Variants in STAM2 observed in about 807,000 individuals in gnomAD.
STAM2 encodes signal transducing adapter molecule 2.
In STAM2, 51 loss-of-function variants were observed where a neutral mutation model predicts 65.6. That is an observed-to-expected ratio of 0.78 (90% CI 0.62 to 0.98). The LOEUF (loss-of-function observed/expected upper bound fraction) is 0.98, where lower values mean the gene tolerates loss of function less well. STAM2 is among the 50% of genes least tolerant of loss of function. The probability of loss-of-function intolerance (pLI) is 0.00; values close to 1 mark genes in which losing one functional copy is unlikely to be tolerated. For missense variants in STAM2, 584 were observed against 617.8 expected (o/e 0.95, Z 0.58); for synonymous variants, 198 against 208.4 (o/e 0.95, Z 0.43).
chr2:152,142,082 C>T (rs10166701), intron 7 of STAM2, among the ~76,000 whole-genome samples: 7,700 of 152,232 alleles, frequency 0.051, 565 homozygotes, highest in African/African-American at 0.16. Context: ...CATTTGTCTA[C>T]CAGCGATTAC....
intron 1 of STAM2, among the ~76,000 whole-genome samples, chr2:152,150,982 C>T (rs1429189284): frequency 6.6e-6 from 1 of 151,876 alleles, no homozygotes; most frequent in Non-Finnish European, 1.5e-5. Flanking sequence ...TTACAGGCCA[C>T]TGCACCCAGC....
intron 13 of STAM2, among the ~76,000 whole-genome samples, chr2:152,123,415 C>A (rs1284751672): frequency 1.3e-5 from 2 of 152,110 alleles, no homozygotes; most frequent in East Asian, 3.9e-4. Flanking sequence ...TTCCACAGTT[C>A]AAACGCCCTT....
chr2:152,143,777 A>G (rs774538074), intron 7 of STAM2, 50 bp downstream of exon 7: 23 of 1,425,210 alleles, frequency 1.6e-5, no homozygotes, highest in Admixed American at 2.1e-5. Context: ...TCTGGATTCT[A>G]AATTAAGGGC....
At chr2:152,174,379 C>A (rs1403858060) in intron 1 of STAM2, among the ~76,000 whole-genome samples, 1 of 151,998 alleles carries the variant, frequency 6.6e-6, no homozygotes, top group African/African-American at 2.4e-5. Flanking sequence ...AAACAGTGAG[C>A]CTTAAGAGTG....
chr2:152,142,847 TC>T (rs1253417019), intron 7 of STAM2, among the ~76,000 whole-genome samples: 1 of 152,224 alleles, frequency 6.6e-6, no homozygotes, highest in Non-Finnish European at 1.5e-5. Flanking sequence ...TAAGAGACCT[TC>T]CTTTTCCCAT....
At chr2:152,170,589 G>A (rs960603501) in intron 1 of STAM2, among the ~76,000 whole-genome samples, 1 of 152,120 alleles carries the variant, frequency 6.6e-6, no homozygotes, top group Non-Finnish European at 1.5e-5. Context: ...ACAAAGTCAT[G>A]TTCGTCAATA....
chr2:152,154,287 A>G (rs926172874), intron 1 of STAM2, among the ~76,000 whole-genome samples: 1 of 152,192 alleles, frequency 6.6e-6, no homozygotes, highest in Non-Finnish European at 1.5e-5. Flanking sequence ...CAAACTTACC[A>G]ATCAGGTGTC....
intron 2 of STAM2, among the ~76,000 whole-genome samples, chr2:152,148,852 G>T (rs1247417381): frequency 1.3e-5 from 2 of 151,078 alleles, no homozygotes; most frequent in Non-Finnish European, 2.9e-5. Context: ...CAAAAGATCT[G>T]TCAACACAAG....
intron 1 of STAM2, among the ~76,000 whole-genome samples, chr2:152,172,599 T>G (rs1034358230): frequency 3.9e-5 from 6 of 152,082 alleles, no homozygotes; most frequent in Admixed American, 3.3e-4. Flanking sequence ...CTGGGCACAG[T>G]GGCTCACGCC....
At chr2:152,148,169 T>C in intron 3 of STAM2, 47 bp from the exon 4 acceptor site, 1 of 1,591,450 alleles carries the variant, frequency 6.3e-7, no homozygotes, top group African/African-American at 1.4e-5. Context: ...ATTAACTTAC[T>C]GTAATTAAAA....
chr2:152,135,239 C>T (rs1396817418), intron 8 of STAM2, among the ~76,000 whole-genome samples: 1 of 152,146 alleles, frequency 6.6e-6, no homozygotes, highest in Non-Finnish European at 1.5e-5. Context: ...GATTTAAATA[C>T]CTGCATGGTC....
At chr2:152,130,049 T>G (rs963593784) in intron 11 of STAM2, among the ~76,000 whole-genome samples, 1 of 152,194 alleles carries the variant, frequency 6.6e-6, no homozygotes, top group Non-Finnish European at 1.5e-5. Context: ...CTTTTCTTCT[T>G]GTGCTGCTTA....
At chr2:152,125,364 T>C (rs1260807262) in intron 12 of STAM2, among the ~76,000 whole-genome samples, 2 of 152,214 alleles carry the variant, frequency 1.3e-5, no homozygotes, top group Admixed American at 6.5e-5. Context: ...TTATGTTGTG[T>C]CAAGTCATCT....
chr2:152,165,870 G>A (rs570407629), intron 1 of STAM2, among the ~76,000 whole-genome samples: 14 of 152,096 alleles, frequency 9.2e-5, no homozygotes, highest in Non-Finnish European at 1.3e-4. Flanking sequence ...ATATTTAAAC[G>A]TGCCCAAAAT....
At chr2:152,169,313 GT>G (rs1689857162) in intron 1 of STAM2, among the ~76,000 whole-genome samples, 1 of 152,160 alleles carries the variant, frequency 6.6e-6, no homozygotes, top group Non-Finnish European at 1.5e-5. Flanking sequence ...ATCTGGCTCT[GT>G]CACCCAGGCT....
intron 1 of STAM2, among the ~76,000 whole-genome samples, chr2:152,167,787 G>A (rs1288468656): frequency 1.3e-5 from 2 of 152,060 alleles, no homozygotes; most frequent in Non-Finnish European, 2.9e-5. Context: ...GTGGGTGCCT[G>A]TAATCCCAGC....
intron 1 of STAM2, among the ~76,000 whole-genome samples, chr2:152,164,395 G>A (rs536532982): frequency 6.6e-6 from 1 of 150,604 alleles, no homozygotes; most frequent in Admixed American, 6.6e-5. Context: ...AGGCTGGAGT[G>A]CAATGGCACG....
intron 1 of STAM2, among the ~76,000 whole-genome samples, 156 bp downstream of exon 1, chr2:152,175,447 G>A (rs765131978): frequency 1.3e-5 from 2 of 152,176 alleles, no homozygotes; most frequent in Non-Finnish European, 2.9e-5. Flanking sequence ...GGTTGCCCCA[G>A]AAAAATCCCA....
chr2:152,129,098 G>A lies in STAM2; in HGVS notation c.1026-2719C>T, dbSNP rs192378573. Among the ~76,000 whole-genome samples the A allele has an allele frequency of 3.1e-3, 477 of 152,216 alleles. 3 individuals carry two copies. Among genetic ancestry groups the A allele is most frequent in the Non-Finnish European group, 3.1e-3 (214 of 68,008 alleles). On this transcript the variant is annotated intron_variant, in intron 11 of 13. Transcript: ENST00000263904. Reference sequence around the variant, plus strand: ...GAAACTGGTAAGAAAAATGGTTAATGGTTGAGTTCTCACTCAAAAAATTAA... The same window carrying A: ...GAAACTGGTAAGAAAAATGGTTAATAGTTGAGTTCTCACTCAAAAAATTAA...
Sources: allele counts gnomAD v4.1 joint callset (sites outside exome capture counted in the v4.1 genomes callset), GRCh38; gene constraint gnomAD v4.1.1; transcripts MANE v1.5; gene names NCBI Gene and HGNC (gene_info 2026-07-23, HGNC 2026-07-21).